The following INTS4 variants were observed in gnomAD, a reference collection of about 807,000 sequenced individuals.
INTS4 encodes MSTP093.
Under a neutral mutation model 119.5 loss-of-function variants are expected in INTS4, and 70 were observed. The ratio of observed to expected loss-of-function variants is 0.59; its 90% CI spans 0.48 to 0.71. The LOEUF (loss-of-function observed/expected upper bound fraction) is 0.71, where lower values mean the gene tolerates loss of function less well. Ranked by LOEUF, INTS4 falls within the 30% of genes least tolerant of loss-of-function variation. INTS4 has a pLI of 0.00. For synonymous variants in INTS4, 316 were observed against 419.6 expected (o/e 0.75, Z 3.02); for missense variants, 867 against 1,173.2 (o/e 0.74, Z 3.81).
chr11:77,960,191 G>GGTTT, intron 6 of INTS4, 150 bp downstream of exon 6: 1 of 553,026 alleles, frequency 1.8e-6, no homozygotes, highest in East Asian at 2.7e-5. Context: ...TGAAAAGTAT[G>GGTTT]TTTTGAATAT....
Position 77,929,643 on chromosome 11 carries a change from T to G in INTS4, c.1166-1096A>C, listed in dbSNP as rs182314239. Among the ~76,000 whole-genome samples, 23 of 152,346 alleles carry G rather than the reference T, an allele frequency of 1.5e-4. No homozygotes were observed. The East Asian group carries it at 3.9e-3, about 26-fold the overall frequency. Reference sequence around the variant, plus strand: ...GAATAGGACCAATACTCAGGTCTGTTGATTGTAGGCTAAAATCATATAGTA... The same window carrying G: ...GAATAGGACCAATACTCAGGTCTGTGGATTGTAGGCTAAAATCATATAGTA... On this transcript the variant is annotated intron_variant, in intron 10 of 22. Coordinates refer to ENST00000534064, the MANE Select transcript of INTS4 (RefSeq NM_033547.4).
Position 77,916,989 on chromosome 11 carries a change from A to G in INTS4, c.1922+1832T>C, listed in dbSNP as rs1419763824. On this transcript the variant is annotated intron_variant, in intron 15 of 22. Transcript: ENST00000534064. The stretch of plus-strand genomic sequence containing the variant: ...GAATGAATGACCTAATATAATGGGA[A>G]AACATAACTTGGAGGATGGTTCAGT... Among the ~76,000 whole-genome samples, 6 of 152,346 alleles carry G rather than the reference A, an allele frequency of 3.9e-5. No homozygotes were observed. The East Asian group carries it at 9.6e-4, about 24-fold the overall frequency.
At chr11:77,884,747 A>G (rs1451532577) in intron 21 of INTS4, 3 of 369,712 alleles carry the variant, frequency 8.1e-6, no homozygotes, top group Non-Finnish European at 1.7e-5. Flanking sequence ...CTGATTCTAC[A>G]CTTCTTTCTT....
rs767810717 is a variant in INTS4, at chr11:77,961,003, A to T, written c.607T>A (p.Tyr203Asn). ...ACACGTGGGTCTTGGTCACTGAAGTAATCCCCTATAATCTTCTGGACATCT... is the reference window on the plus strand; with the variant it reads ...ACACGTGGGTCTTGGTCACTGAAGTTATCCCCTATAATCTTCTGGACATCT... The part of the protein sequence containing the change: ...ARDVQKIIGD[Y>N]FSDQDPRVRT... The change falls in exon 5 of 23, where the codon TAC (tyrosine) becomes AAC (asparagine). Residue 203 changes from tyrosine (Y) to asparagine (N), a missense_variant. Transcript: ENST00000534064. The T allele has an allele frequency of 3.1e-6, 5 of 1,613,812 alleles. No homozygotes were observed. Among genetic ancestry groups the T allele is most frequent in the Non-Finnish European group, 4.2e-6 (5 of 1,179,876 alleles).
chr11:77,993,891 C>T (rs1281165113), intron 1 of INTS4, among the ~76,000 whole-genome samples: 1 of 152,082 alleles, frequency 6.6e-6, no homozygotes, highest in Admixed American at 6.6e-5. Flanking sequence ...ACATTAATAT[C>T]TGAGAAATAG....
chr11:77,934,719 G>A (rs1239972961), intron 10 of INTS4, among the ~76,000 whole-genome samples: 1 of 152,092 alleles, frequency 6.6e-6, no homozygotes, highest in Non-Finnish European at 1.5e-5. Context: ...GAGTAAAATA[G>A]GTTTTAATAA....
At chr11:77,961,492 T>C (rs1416295337) in intron 4 of INTS4, among the ~76,000 whole-genome samples, 1 of 152,230 alleles carries the variant, frequency 6.6e-6, no homozygotes, top group Admixed American at 6.5e-5. Flanking sequence ...TGTATAAATT[T>C]TTAAAACTTT....
At chr11:77,985,917 C>T (rs1565292958) in intron 2 of INTS4, among the ~76,000 whole-genome samples, 2 of 150,202 alleles carry the variant, frequency 1.3e-5, no homozygotes, top group Non-Finnish European at 3.0e-5. Context: ...TGCCTGATCA[C>T]AAAAAAAAAG....
chr11:77,934,863 T>A (rs1816862639), intron 10 of INTS4, among the ~76,000 whole-genome samples: 1 of 152,222 alleles, frequency 6.6e-6, no homozygotes. Flanking sequence ...ATAACCCAAT[T>A]CTTAACATCT....
At chr11:77,962,127 AAT>A (rs570760704) in intron 4 of INTS4, among the ~76,000 whole-genome samples, 263 of 152,332 alleles carry the variant, frequency 1.7e-3, no homozygotes, top group African/African-American at 6.0e-3. Context: ...GTCCTGGGCA[AAT>A]GGGACTATAG....
intron 2 of INTS4, chr11:77,987,792 T>G (rs148432726): frequency 2.8e-4 from 103 of 361,418 alleles, no homozygotes; most frequent in African/African-American, 2.2e-3. Context: ...GAGGATGGCT[T>G]GAGCCTGGGA....
chr11:77,942,856 A>G (rs1953961491), intron 8 of INTS4, among the ~76,000 whole-genome samples: 1 of 152,234 alleles, frequency 6.6e-6, no homozygotes, highest in Non-Finnish European at 1.5e-5. Flanking sequence ...AGAAAATTAC[A>G]TGTTCCTGGG....
At chr11:77,965,646 G>C (rs1255765005) in intron 4 of INTS4, among the ~76,000 whole-genome samples, 1 of 152,156 alleles carries the variant, frequency 6.6e-6, no homozygotes, top group Admixed American at 6.5e-5. Context: ...ATGTTGTCAT[G>C]AATGACAGGA....
At chr11:77,994,159 A>G (rs1389780142) in intron 1 of INTS4, among the ~76,000 whole-genome samples, 1 of 151,654 alleles carries the variant, frequency 6.6e-6, no homozygotes, top group African/African-American at 2.4e-5. Context: ...GTATATTCCA[A>G]CTGGTCCCTG....
At chr11:77,957,040 T>C (rs552528674) in intron 7 of INTS4, among the ~76,000 whole-genome samples, 1 of 152,138 alleles carries the variant, frequency 6.6e-6, no homozygotes, top group East Asian at 1.9e-4. Context: ...GCTCAGGTGA[T>C]CCTCCCAGTT....
chr11:77,893,423 C>T (rs1301311269), intron 19 of INTS4, among the ~76,000 whole-genome samples: 1 of 152,028 alleles, frequency 6.6e-6, no homozygotes, highest in Non-Finnish European at 1.5e-5. Context: ...CTGAGCAACA[C>T]AGCAAGACCC....
chr11:77,936,390 T>C (rs1205809114), intron 10 of INTS4, among the ~76,000 whole-genome samples: 1 of 152,218 alleles, frequency 6.6e-6, no homozygotes, highest in East Asian at 1.9e-4. Flanking sequence ...AAATTCTTTC[T>C]TCTTTTTTTT....
chr11:77,960,852 A>G (rs1954452359), intron 5 of INTS4, 101 bp downstream of exon 5: 2 of 1,057,146 alleles, frequency 1.9e-6, no homozygotes, highest in East Asian at 4.9e-5. Context: ...TCCTGAAAGT[A>G]TATGCTGAAG....
At chr11:77,901,269 A>G (rs1952769434) in intron 18 of INTS4, 152 bp downstream of exon 18, 4 of 827,878 alleles carry the variant, frequency 4.8e-6, no homozygotes, top group South Asian at 2.9e-5. Context: ...AGAATTTGTA[A>G]TATCTGAAAA....
Sources: gnomAD v4.1 joint callset for allele counts (sites outside exome capture counted in the v4.1 genomes callset) on GRCh38, gnomAD v4.1.1 for gene constraint, MANE v1.5 for transcripts, NCBI Gene and HGNC (gene_info 2026-07-23, HGNC 2026-07-21) for gene names.